The following SORCS2 variants were observed in gnomAD, a reference collection of about 807,000 sequenced individuals.
SORCS2 encodes the protein sortilin related VPS10 domain containing receptor 2, also known as VPS10 domain-containing receptor SorCS2.
Under a neutral mutation model 141.6 loss-of-function variants are expected in SORCS2, and 100 were observed. The ratio of observed to expected loss-of-function variants is 0.71; its 90% confidence interval spans 0.60 to 0.83. The LOEUF is 0.83. SORCS2 is among the 40% of genes least tolerant of loss of function. SORCS2 has a pLI of 0.00. For synonymous variants in SORCS2, 789 were observed against 676.9 expected, an observed-to-expected ratio of 1.17 and a Z score of -2.57; for missense variants, 1,646 against 1,560.2, an observed-to-expected ratio of 1.05 and a Z score of -0.93.
At chr4:7,406,437 T>G (rs1053277516) in intron 2 of SORCS2, among the ~76,000 whole-genome samples, 2 of 151,290 alleles carry the variant, frequency 1.3e-5, no homozygotes, top group Non-Finnish European at 3.0e-5. Flanking sequence ...TTATTGAGGT[T>G]TTCTGTTTTC....
intron 2 of SORCS2, among the ~76,000 whole-genome samples, chr4:7,478,361 T>C (rs1297073603): frequency 6.6e-6 from 1 of 152,082 alleles, no homozygotes; most frequent in Non-Finnish European, 1.5e-5. Context: ...TGTTGAAATG[T>C]GCCTTCCAGG....
chr4:7,393,548 G>C (rs1484627571), intron 1 of SORCS2, among the ~76,000 whole-genome samples: 1 of 152,202 alleles, frequency 6.6e-6, no homozygotes, highest in African/African-American at 2.4e-5. Context: ...TCTGCCGCTT[G>C]CTGAGTGTGT....
At chr4:7,584,440 A>G (rs1716394630) in intron 3 of SORCS2, among the ~76,000 whole-genome samples, 1 of 152,206 alleles carries the variant, frequency 6.6e-6, no homozygotes, top group Non-Finnish European at 1.5e-5. Flanking sequence ...CTCAGTAGAC[A>G]TTTAGGTCTA....
At position 7,683,616 on chromosome 4, in the gene SORCS2, A is replaced by G. The variant is rs565287576; in HGVS notation, c.1488+727A>G. Among the ~76,000 whole-genome samples, 24 of 152,336 alleles carry G rather than the reference A, an allele frequency of 1.6e-4. No individual in the cohort carries two copies. In the South Asian group the frequency reaches 5.0e-3, roughly 32 times the overall value. ...TGCTAAATCTTACTGGTCAACATCAAGGACCTGGGAATTGTACTCTGCCCA... is the reference window on the plus strand; with the variant it reads ...TGCTAAATCTTACTGGTCAACATCAGGGACCTGGGAATTGTACTCTGCCCA... On this transcript the variant is annotated intron_variant, in intron 10 of 26. Transcript: ENST00000507866.
At chr4:7,339,196 C>T (rs1375996244) in intron 1 of SORCS2, among the ~76,000 whole-genome samples, 2 of 152,202 alleles carry the variant, frequency 1.3e-5, no homozygotes, top group Admixed American at 6.5e-5. Context: ...TTTTCTCACC[C>T]CTCCGTGTGC....
intron 1 of SORCS2, among the ~76,000 whole-genome samples, chr4:7,339,338 G>C (rs1432536228): frequency 6.6e-6 from 1 of 152,244 alleles, no homozygotes; most frequent in Non-Finnish European, 1.5e-5. Context: ...CCTGACTGCA[G>C]TGCAACAGCT....
Position 7,197,068 on chromosome 4 carries a change from G to A in SORCS2, c.480+3942G>A, listed in dbSNP as rs183065969. The stretch of plus-strand genomic sequence containing the variant: ...TATTTTCTTGCAGTCCTGGAAGCTG[G>A]AAGTCAGAGATCAAGGTATTGTCCA... On this transcript the variant is annotated intron_variant, in intron 1 of 26. Coordinates refer to ENST00000507866, the MANE Select transcript of SORCS2 (RefSeq NM_020777.3). 7.9e-3 allele frequency among the ~76,000 whole-genome samples: 1,202 copies of A among 152,312 alleles called. 56 individuals carry two copies. The highest frequency in any genetic ancestry group is 0.074 in the Admixed American group (1,131 of 15,292).
At chr4:7,679,553 A>G (rs1341099430) in intron 9 of SORCS2, among the ~76,000 whole-genome samples, 3 of 152,220 alleles carry the variant, frequency 2.0e-5, no homozygotes, top group African/African-American at 4.8e-5. Flanking sequence ...ACAGGCACAC[A>G]GAGAGGCCCC....
intron 1 of SORCS2, among the ~76,000 whole-genome samples, chr4:7,328,115 T>C (rs2108960559): frequency 7.0e-6 from 1 of 142,972 alleles, no homozygotes; most frequent in East Asian, 2.1e-4. Context: ...AACCTCTGCC[T>C]CACAGGTTCA....
intron 14 of SORCS2, 96 bp downstream of exon 14, chr4:7,704,380 G>A (rs1725283301): frequency 9.0e-7 from 1 of 1,113,576 alleles, no homozygotes; most frequent in South Asian, 1.5e-5. Context: ...CAGCCACCTG[G>A]GAATCAGGGA....
At chr4:7,569,798 A>G (rs75055763) in intron 3 of SORCS2, among the ~76,000 whole-genome samples, 1 of 152,190 alleles carries the variant, frequency 6.6e-6, no homozygotes, top group Non-Finnish European at 1.5e-5. Context: ...AGTGAGGTGC[A>G]GTGTGAAATA....
chr4:7,418,197 G>A (rs10022359), intron 2 of SORCS2, among the ~76,000 whole-genome samples: 32,081 of 152,100 alleles, frequency 0.21, 3,670 homozygotes, highest in East Asian at 0.3. Flanking sequence ...GAGATTCAAT[G>A]TTGAATGAGG....
At chr4:7,331,726 C>A (rs1262259348) in intron 1 of SORCS2, among the ~76,000 whole-genome samples, 1 of 152,298 alleles carries the variant, frequency 6.6e-6, no homozygotes, top group African/African-American at 2.4e-5. Flanking sequence ...TTCTAACGAG[C>A]CCCCAGGTGG....
chr4:7,452,653 A>G (rs1728540209), intron 2 of SORCS2, among the ~76,000 whole-genome samples: 1 of 152,232 alleles, frequency 6.6e-6, no homozygotes, highest in Admixed American at 6.5e-5. Flanking sequence ...CTCTCTAGCC[A>G]CATGCCCAGC....
At chr4:7,434,211 G>C (rs752907978) in intron 2 of SORCS2, 11 of 1,613,622 alleles carry the variant, frequency 6.8e-6, no homozygotes, top group Non-Finnish European at 8.5e-6. Context: ...AGTTCTTGCA[G>C]AGGACGGCCA....
At chr4:7,696,875 C>T (rs956256095) in intron 11 of SORCS2, among the ~76,000 whole-genome samples, 11 of 152,222 alleles carry the variant, frequency 7.2e-5, no homozygotes, top group African/African-American at 2.7e-4. Context: ...ACCTGGCCCA[C>T]GTCCTCTCCA....
chr4:7,384,706 A>C (rs1723187697), intron 1 of SORCS2, among the ~76,000 whole-genome samples: 1 of 151,958 alleles, frequency 6.6e-6, no homozygotes, highest in Non-Finnish European at 1.5e-5. Flanking sequence ...TGACCCTCAC[A>C]CTGTGCCGGT....
At chr4:7,215,247 C>T (rs1029710501) in intron 1 of SORCS2, among the ~76,000 whole-genome samples, 9 of 152,166 alleles carry the variant, frequency 5.9e-5, no homozygotes, top group African/African-American at 1.7e-4. Flanking sequence ...CTGCTGGCCC[C>T]GGGCAAGGAG....
intron 2 of SORCS2, among the ~76,000 whole-genome samples, chr4:7,451,509 T>C (rs1028727111): frequency 2.0e-5 from 3 of 152,258 alleles, no homozygotes; most frequent in Non-Finnish European, 4.4e-5. Context: ...GACCTGTCCC[T>C]ACTCCTGAAG....
Sources: allele counts gnomAD v4.1 joint callset (sites outside exome capture counted in the v4.1 genomes callset), GRCh38; gene constraint gnomAD v4.1.1; transcripts MANE v1.5; gene names NCBI Gene and HGNC (gene_info 2026-07-23, HGNC 2026-07-21).